The following CDKL1 variants were observed in gnomAD, a reference collection of about 807,000 sequenced individuals.
CDKL1 encodes cyclin-dependent kinase-like 1.
CDKL1 carries 41 observed loss-of-function variants against 42.0 expected under a neutral mutation model. The ratio of observed to expected loss-of-function variants is 0.98; its 90% CI spans 0.76 to 1.27. CDKL1 has a LOEUF of 1.27. Among genes scored for constraint, CDKL1 ranks in the 50% most tolerant of loss-of-function variants. The pLI is 0.00. For synonymous variants in CDKL1, 153 were observed against 158.6 expected, an observed-to-expected ratio of 0.96 and a Z score of 0.26; for missense variants, 394 against 428.4, an observed-to-expected ratio of 0.92 and a Z score of 0.71.
At chr14:50,351,432 T>TGTAAA (rs2033898092) in intron 3 of CDKL1, among the ~76,000 whole-genome samples, 2 of 152,056 alleles carry the variant, frequency 1.3e-5, no homozygotes, top group Non-Finnish European at 2.9e-5. Context: ...ATTGAGAGGC[T>TGTAAA]ATTAAAATGA....
chr14:50,376,463 AGAG>A, intron 2 of CDKL1: 1 of 466,008 alleles, frequency 2.1e-6, no homozygotes, highest in East Asian at 6.9e-5. Flanking sequence ...ATCCTGTAAT[AGAG>A]GAGGATGGCT....
chr14:50,396,010 C>T lies in CDKL1; in HGVS notation c.-142G>A. 2 of 1,008,552 alleles carry T rather than the reference C, an allele frequency of 2.0e-6. No individual in the cohort carries two copies. The highest frequency in any genetic ancestry group is 5.5e-5 in the East Asian group (2 of 36,520). The allele number at this position is 1,008,552 out of a possible 1,614,324, so 62.5% of individuals were successfully genotyped here. A position where few individuals can be genotyped will look rare whatever the true frequency, so the allele number is the denominator to read the frequency against. ...GACCAGTCTGGCCAACATACTGAAA[C>T]TCCGTCTCTACTAAAGATACAAAAA... On this transcript the variant is annotated 5_prime_UTR_variant, in exon 2 of 10. Transcript: ENST00000395834.
At chr14:50,371,650 C>G (rs1194985650) in intron 2 of CDKL1, among the ~76,000 whole-genome samples, 2 of 152,246 alleles carry the variant, frequency 1.3e-5, no homozygotes, top group East Asian at 3.8e-4. Flanking sequence ...GGAGGCGCAG[C>G]CATGGCTGTG....
rs375954757 is a variant in CDKL1 at position 50,346,651 on chromosome 14, G to GTTTTTT, written c.291-1594_291-1593insAAAAAA. Among the ~76,000 whole-genome samples, 4 of 123,636 alleles carry GTTTTTT rather than the reference G, an allele frequency of 3.2e-5. 1 individual carries two copies. Among genetic ancestry groups the GTTTTTT allele is most frequent in the African/African-American group, 6.6e-5 (2 of 30,116 alleles). 81.1% of individuals were successfully genotyped at this position (123,636 alleles called of 152,430 possible). A position where few individuals can be genotyped will look rare whatever the true frequency, so the allele number is the denominator to read the frequency against. The stretch of plus-strand genomic sequence containing the variant: ...TGATTATTCAATAAATTAAATTTTT[G>GTTTTTT]GTTTTTTTTTTTTTTTTGAGATGGA... On this transcript the variant is annotated intron_variant, in intron 3 of 9. Transcript: ENST00000395834.
rs2032848514 is a variant in CDKL1, at chr14:50,330,011, T to G, written c.*63A>C. The G allele has an allele frequency of 6.4e-7, 1 of 1,560,402 alleles. No homozygotes were observed. The highest frequency in any genetic ancestry group is 1.4e-5 in the African/African-American group (1 of 72,060). On this transcript the variant is annotated 3_prime_UTR_variant, in exon 10 of 10. Transcript: ENST00000395834. ...TTGTAATTGTTTTCAATCAACTGTA[T>G]AAGTTTTATTTTCTTCAAAGCATCT...
intron 4 of CDKL1, among the ~76,000 whole-genome samples, chr14:50,344,637 T>G (rs999834884): frequency 6.8e-6 from 1 of 147,638 alleles, no homozygotes; most frequent in Non-Finnish European, 1.5e-5. Flanking sequence ...ACCCAGTTCA[T>G]TTTTTTTTAT....
Position 50,380,393 on chromosome 14 carries a change from C to G in CDKL1, c.168+15308G>C, listed in dbSNP as rs373403804. Among the ~76,000 whole-genome samples the G allele has an allele frequency of 3.9e-5, 6 of 152,338 alleles. No homozygotes were observed. In the East Asian group the frequency reaches 1.2e-3, roughly 29 times the overall value. The stretch of plus-strand genomic sequence containing the variant: ...GCAGCAGCTGGGCCAGATATGGTAT[C>G]TTTCCTGGAACTGATATACACAGGC... On this transcript the variant is annotated intron_variant, in intron 2 of 9. Transcript: ENST00000395834.
intron 2 of CDKL1, among the ~76,000 whole-genome samples, chr14:50,395,048 G>C (rs1308066292): frequency 6.6e-6 from 1 of 152,222 alleles, no homozygotes; most frequent in Non-Finnish European, 1.5e-5. Flanking sequence ...AACGGGACAT[G>C]ATGATGCTCA....
chr14:50,340,907 G>A (rs933331769), intron 6 of CDKL1, 125 bp downstream of exon 6: 11 of 968,208 alleles, frequency 1.1e-5, no homozygotes, highest in South Asian at 5.3e-5. Flanking sequence ...ATGAGGCTTC[G>A]AGTTTTCCTC....
intron 1 of CDKL1, chr14:50,396,620 G>A: frequency 4.0e-6 from 1 of 248,900 alleles, no homozygotes; most frequent in Non-Finnish European, 6.4e-6. Flanking sequence ...TTTCCCTGCG[G>A]CAAGAAGACA....
intron 2 of CDKL1, among the ~76,000 whole-genome samples, chr14:50,384,067 T>C (rs762074562): frequency 2.6e-5 from 4 of 152,294 alleles, no homozygotes; most frequent in South Asian, 4.1e-4. Flanking sequence ...GTTGAACCAA[T>C]AGGGAGAGAT....
chr14:50,368,709 G>A (rs1048141981), intron 2 of CDKL1, among the ~76,000 whole-genome samples: 12 of 151,972 alleles, frequency 7.9e-5, no homozygotes, highest in East Asian at 1.9e-4. Context: ...AGAATGCTAC[G>A]TATCCTACGT....
At chr14:50,342,494 A>G (rs2033581810) in intron 4 of CDKL1, 1 of 1,053,924 alleles carries the variant, frequency 9.5e-7, no homozygotes, top group Admixed American at 4.1e-5. Flanking sequence ...AATACAGGAC[A>G]CCCAGTTAAA....
chr14:50,333,045 A>C (rs1280148839), intron 8 of CDKL1: 3 of 176,322 alleles, frequency 1.7e-5, no homozygotes, highest in African/African-American at 7.1e-5. Context: ...GCAACTAAGT[A>C]GGCCATGGAG....
chr14:50,337,071 TG>T (rs2033319634), intron 7 of CDKL1, among the ~76,000 whole-genome samples: 1 of 151,976 alleles, frequency 6.6e-6, no homozygotes, highest in South Asian at 2.1e-4. Context: ...TGTACTGACG[TG>T]ATCTCGGCTC....
intron 7 of CDKL1, among the ~76,000 whole-genome samples, chr14:50,336,789 A>G (rs1254305973): frequency 6.6e-6 from 1 of 152,132 alleles, no homozygotes; most frequent in Non-Finnish European, 1.5e-5. Flanking sequence ...AAGTTACCCC[A>G]AAATCCCACC....
At chr14:50,355,996 T>A (rs982966736) in intron 3 of CDKL1, among the ~76,000 whole-genome samples, 3 of 152,170 alleles carry the variant, frequency 2.0e-5, no homozygotes, top group African/African-American at 7.2e-5. Flanking sequence ...TATTAAAGGA[T>A]TCTATGTAGA....
chr14:50,369,295 T>A (rs2034521812), intron 2 of CDKL1, among the ~76,000 whole-genome samples: 2 of 152,144 alleles, frequency 1.3e-5, no homozygotes, highest in Non-Finnish European at 2.9e-5. Flanking sequence ...GAGCAGCTGT[T>A]CACTTTAGAC....
intron 2 of CDKL1, among the ~76,000 whole-genome samples, chr14:50,370,227 C>G (rs746438665): frequency 7.9e-5 from 12 of 152,104 alleles, no homozygotes; most frequent in Non-Finnish European, 1.8e-4. Context: ...TGCCACCATG[C>G]CTGGCTAGTT....
Sources: allele counts gnomAD v4.1 joint callset (sites outside exome capture counted in the v4.1 genomes callset), GRCh38; gene constraint gnomAD v4.1.1; transcripts MANE v1.5; gene names NCBI Gene and HGNC (gene_info 2026-07-23, HGNC 2026-07-21).